Variants in TPRG1 observed in about 807,000 individuals in gnomAD.
TPRG1 encodes the protein tumor protein p63-regulated gene 1 protein.
Under a neutral mutation model 29.3 loss-of-function variants are expected in TPRG1, and 29 were observed. That is an observed-to-expected ratio of 0.99 (90% CI 0.74 to 1.35). The LOEUF (loss-of-function observed/expected upper bound fraction) is 1.35. Among genes scored for constraint, TPRG1 ranks in the 40% most tolerant of loss-of-function variants. TPRG1 has a pLI of 0.00. For missense variants in TPRG1, 327 were observed against 335.0 expected, an observed-to-expected ratio of 0.98 and a Z score of 0.19; for synonymous variants, 130 against 116.8, an observed-to-expected ratio of 1.11 and a Z score of -0.73.
intron 3 of TPRG1, among the ~76,000 whole-genome samples, chr3:189,139,873 T>C (rs1425365642): frequency 2.0e-5 from 3 of 152,104 alleles, no homozygotes; most frequent in Non-Finnish European, 4.4e-5. Context: ...TTGCATTAAA[T>C]CCAGTCTCCA....
At chr3:189,019,259 C>A (rs1455867625) in intron 3 of TPRG1, among the ~76,000 whole-genome samples, 1 of 151,950 alleles carries the variant, frequency 6.6e-6, no homozygotes, top group East Asian at 1.9e-4. Flanking sequence ...CCAGAACTTC[C>A]AACACTATGT....
chr3:189,110,263 T>C (rs955991714), intron 1 of TPRG1, among the ~76,000 whole-genome samples: 22 of 152,232 alleles, frequency 1.4e-4, no homozygotes, highest in Non-Finnish European at 2.6e-4. Context: ...CCACCTTATA[T>C]TGCCAGTTTA....
intron 5 of TPRG1, among the ~76,000 whole-genome samples, chr3:189,153,536 G>T (rs1027751066): frequency 6.6e-6 from 1 of 151,986 alleles, no homozygotes; most frequent in Admixed American, 6.6e-5. Context: ...TGGATGTTTG[G>T]GGTGAGGGGT....
intron 1 of TPRG1, among the ~76,000 whole-genome samples, chr3:189,175,897 A>AT (rs975634267): frequency 4.6e-5 from 7 of 152,270 alleles, no homozygotes; most frequent in Non-Finnish European, 8.8e-5. Context: ...ATGTGGGAAG[A>AT]TTTTTTATTA....
intron 3 of TPRG1, among the ~76,000 whole-genome samples, chr3:189,224,340 G>C (rs578128031): frequency 6.6e-6 from 1 of 152,202 alleles, no homozygotes; most frequent in South Asian, 2.1e-4. Context: ...AACTAGCCAG[G>C]CGTGGTGACG....
intron 4 of TPRG1, among the ~76,000 whole-genome samples, chr3:189,284,362 AC>A (rs1717689109): frequency 6.1e-5 from 2 of 33,004 alleles, no homozygotes; most frequent in Non-Finnish European, 1.2e-4. Flanking sequence ...CCCTCCCCCC[AC>A]CCCACAACAG....
At chr3:189,156,356 A>T (rs57997639) in intron 5 of TPRG1, among the ~76,000 whole-genome samples, 46,124 of 99,334 alleles carry the variant, frequency 0.46, 9,631 homozygotes, top group African/African-American at 0.69. Flanking sequence ...AACTATAAGT[A>T]AAAAAAAAAA....
intron 3 of TPRG1, among the ~76,000 whole-genome samples, chr3:189,137,084 A>G (rs1723842045): frequency 6.6e-6 from 1 of 152,214 alleles, no homozygotes; most frequent in African/African-American, 2.4e-5. Context: ...GCAAGGTGGT[A>G]GAGCTAGGAC....
intron 3 of TPRG1, among the ~76,000 whole-genome samples, chr3:189,142,297 A>G (rs1724677896): frequency 1.3e-5 from 2 of 152,138 alleles, no homozygotes; most frequent in African/African-American, 4.8e-5. Context: ...TATAAACTAC[A>G]CCAAGGGATT....
At chr3:189,083,616 G>T (rs966847910) in intron 4 of TPRG1, among the ~76,000 whole-genome samples, 30 of 152,268 alleles carry the variant, frequency 2.0e-4, no homozygotes, top group African/African-American at 7.0e-4. Flanking sequence ...GGGTCTCAAA[G>T]GTTCCTCCTA....
chr3:189,072,638 T>C (rs185493262), intron 4 of TPRG1, among the ~76,000 whole-genome samples: 13 of 152,254 alleles, frequency 8.5e-5, no homozygotes, highest in Admixed American at 8.5e-4. Context: ...TTTTCTTTTT[T>C]CTTTATAAGT....
rs116231127 is a variant in TPRG1, at chr3:189,048,856, C to T, written c.-463+24910C>T. 7.6e-3 allele frequency among the ~76,000 whole-genome samples: 1,155 copies of T among 152,264 alleles called. 16 individuals carry two copies. Among genetic ancestry groups the T allele is most frequent in the African/African-American group, 0.026 (1,090 of 41,534 alleles). ...AGAGCGAAAGGGAGACCCTCCCGTC[C>T]GCAACACACACCCCCACTGGAGAAG... On this transcript the variant is annotated intron_variant, in intron 4 of 10. Transcript: ENST00000433971.
chr3:189,324,143 G>A lies in TPRG1; in HGVS notation c.*3323G>A, dbSNP rs1724534929. 6.6e-6 allele frequency: 1 copy of A among 152,108 alleles called. No homozygotes were observed. The highest frequency in any genetic ancestry group is 2.4e-5 in the African/African-American group (1 of 41,406). The allele number at this position is 152,108 out of a possible 1,614,324, so 9.4% of individuals were successfully genotyped here. A position where few individuals can be genotyped will look rare whatever the true frequency, so the allele number is the denominator to read the frequency against. On this transcript the variant is annotated 3_prime_UTR_variant, in exon 6 of 6. Transcript: ENST00000345063. ...ATAAGTTGGCACTTCTGAATCATTT[G>A]CCTTGAGGTCCATTTTTTATTCAGC... is the stretch of plus-strand genomic sequence containing the variant.
intron 3 of TPRG1, among the ~76,000 whole-genome samples, chr3:189,231,256 C>A (rs955475139): frequency 8.7e-6 from 1 of 114,626 alleles, no homozygotes; most frequent in Non-Finnish European, 1.8e-5. Context: ...CATACAAACA[C>A]CTATAAAACA....
chr3:189,094,076 T>C (rs1718514934), intron 4 of TPRG1, among the ~76,000 whole-genome samples: 1 of 152,198 alleles, frequency 6.6e-6, no homozygotes, highest in African/African-American at 2.4e-5. Context: ...GTTTCTACCA[T>C]GGGCCTTGCC....
At chr3:189,150,826 C>T (rs1040118102) in exon 5 of TPRG1, 7 of 152,220 alleles carry the variant, frequency 4.6e-5, no homozygotes, top group Admixed American at 1.3e-4. Flanking sequence ...ACCAGCTCCA[C>T]GACTCCCTGA....
At chr3:189,268,745 G>A (rs938029954) in intron 4 of TPRG1, among the ~76,000 whole-genome samples, 2 of 152,180 alleles carry the variant, frequency 1.3e-5, no homozygotes, top group South Asian at 2.1e-4. Context: ...ATCCTGAAAC[G>A]CAGATGGAAT....
chr3:189,185,592 G>A (rs999571879), intron 1 of TPRG1, among the ~76,000 whole-genome samples: 9 of 150,658 alleles, frequency 6.0e-5, no homozygotes, highest in Non-Finnish European at 1.2e-4. Flanking sequence ...GATTATCTAC[G>A]TGCAAAGCAA....
rs371574365 is a variant in TPRG1, at chr3:189,079,944, G to T, written c.-462-47113G>T. On this transcript the variant is annotated intron_variant, in intron 4 of 10. Coordinates refer to the TPRG1 transcript ENST00000433971. ...CTGCCATCAAGATAATAAATGCTTT[G>T]TACCTGATACTTTTTTGTGCCCTCC... Among the ~76,000 whole-genome samples the T allele has an allele frequency of 6.3e-4, 96 of 152,256 alleles. No individual in the cohort carries two copies. The South Asian group carries it at 0.019, about 31-fold the overall frequency.
Sources: gnomAD v4.1 joint callset for allele counts (sites outside exome capture counted in the v4.1 genomes callset) on GRCh38, gnomAD v4.1.1 for gene constraint, MANE v1.5 for transcripts, NCBI Gene and HGNC (gene_info 2026-07-23, HGNC 2026-07-21) for gene names.